The following VRK2 variants were observed in gnomAD, a reference collection of about 807,000 sequenced individuals.
VRK2 encodes the protein VRK serine/threonine kinase 2.
In VRK2, 60 loss-of-function variants were observed where a neutral mutation model predicts 57.6. That is an observed-to-expected ratio of 1.04 (90% confidence interval 0.85 to 1.29). The LOEUF (loss-of-function observed/expected upper bound fraction) is 1.29, where lower values mean the gene tolerates loss of function less well. Ranked by LOEUF, VRK2 falls within the 50% of genes most tolerant of loss-of-function variation. The probability of loss-of-function intolerance (pLI) is 0.00; values close to 1 mark genes in which losing one functional copy is unlikely to be tolerated. For synonymous variants in VRK2, 231 were observed against 199.2 expected (o/e 1.16, Z -1.35); for missense variants, 705 against 588.1 (o/e 1.20, Z -2.06).
At chr2:57,980,166 C>T (rs1672378152) in intron 1 of VRK2, among the ~76,000 whole-genome samples, 1 of 152,086 alleles carries the variant, frequency 6.6e-6, no homozygotes, top group African/African-American at 2.4e-5. Flanking sequence ...TTGATGTAGG[C>T]TTTTAGCACT....
At chr2:58,138,001 T>C (rs1255565437) in intron 10 of VRK2, among the ~76,000 whole-genome samples, 1 of 152,166 alleles carries the variant, frequency 6.6e-6, no homozygotes, top group Non-Finnish European at 1.5e-5. Flanking sequence ...ACCTCATTTT[T>C]CCAAACCCCA....
At position 57,993,819 on chromosome 2, in the gene VRK2, G is replaced by A. The variant is rs868513993; in HGVS notation, c.-438-31846G>A. On this transcript the variant is annotated intron_variant, in intron 1 of 15. Transcript: ENST00000417641. The stretch of plus-strand genomic sequence containing the variant: ...TTGTCAGGAGGCCTGCCACCAGAGC[G>A]CAATGCATAGCAACATCAGGGTATG... 5.3e-5 allele frequency among the ~76,000 whole-genome samples: 8 copies of A among 152,262 alleles called. No homozygotes were observed. The Middle Eastern group carries it at 0.02, about 388-fold the overall frequency.
chr2:57,991,535 C>T (rs1382238403), intron 1 of VRK2, among the ~76,000 whole-genome samples: 1 of 152,000 alleles, frequency 6.6e-6, no homozygotes, highest in African/African-American at 2.4e-5. Context: ...TAGCATTTAC[C>T]GAACCAGGGT....
At chr2:57,996,153 T>C (rs1328368637) in intron 1 of VRK2, among the ~76,000 whole-genome samples, 2 of 152,184 alleles carry the variant, frequency 1.3e-5, no homozygotes, top group African/African-American at 4.8e-5. Context: ...GACTTAAACA[T>C]CCAACAGATT....
chr2:57,971,242 A>G (rs1672088882), intron 1 of VRK2, among the ~76,000 whole-genome samples: 1 of 152,026 alleles, frequency 6.6e-6, no homozygotes, highest in Non-Finnish European at 1.5e-5. Context: ...GCCCTCTCCT[A>G]GTGGGATAAC....
chr2:58,086,229 A>G, intron 4 of VRK2, 110 bp from the exon 5 acceptor site: 2 of 895,080 alleles, frequency 2.2e-6, no homozygotes, highest in South Asian at 1.6e-5. Flanking sequence ...ATTATCTTCT[A>G]GGAAGATCTA....
intron 2 of VRK2, among the ~76,000 whole-genome samples, chr2:58,062,829 C>T (rs577068512): frequency 6.6e-6 from 1 of 152,226 alleles, no homozygotes; most frequent in African/African-American, 2.4e-5. Flanking sequence ...GTAGAAGCTG[C>T]AGCAAGTTAT....
intron 7 of VRK2, among the ~76,000 whole-genome samples, chr2:58,105,142 T>G (rs894847938): frequency 6.6e-6 from 1 of 151,942 alleles, no homozygotes; most frequent in Non-Finnish European, 1.5e-5. Context: ...CTTGTGGACA[T>G]TGGTCTAGGT....
chr2:58,052,731 G>C (rs899016918), intron 2 of VRK2, among the ~76,000 whole-genome samples: 1 of 152,010 alleles, frequency 6.6e-6, no homozygotes, highest in East Asian at 1.9e-4. Flanking sequence ...GTAAAACTGA[G>C]AACATAGAGA....
At chr2:58,143,652 TGCCTAGCATATAGGA>T (rs1681671476) in intron 11 of VRK2, among the ~76,000 whole-genome samples, 1 of 151,832 alleles carries the variant, frequency 6.6e-6, no homozygotes, top group Non-Finnish European at 1.5e-5. Context: ...AAACCTAAAA[TGCCTAGCATATAGGA>T]AGCACTAAAA....
Position 58,048,923 on chromosome 2 carries a change from T to G in VRK2, c.92T>G (p.Leu31Arg), listed in dbSNP as rs768497359. The change falls in exon 2 of 13, where the codon CTG becomes CGG. Residue 31 changes from leucine to arginine, a missense_variant. Leu to Arg is a moderately radical substitution (Grantham distance 102). Transcript: ENST00000340157. ...LDDMEGNQWV[L>R]GKKIGSGGFG... ...GATATGGAAGGCAATCAGTGGGTAC[T>G]GGGCAAGAAGATTGGCTCTGGAGGA... is the stretch of plus-strand genomic sequence containing the variant. 1.2e-6 allele frequency: 2 copies of G among 1,614,016 alleles called. No homozygotes were observed. Among genetic ancestry groups the G allele is most frequent in the Non-Finnish European group, 1.7e-6 (2 of 1,179,934 alleles).
intron 2 of VRK2, among the ~76,000 whole-genome samples, chr2:58,083,155 C>A (rs1007514692): frequency 6.6e-6 from 1 of 151,430 alleles, no homozygotes; most frequent in Non-Finnish European, 1.5e-5. Context: ...ACCTTTTTTC[C>A]TTTCCCTTTC....
chr2:58,122,802 T>C (rs1268688608), intron 7 of VRK2, among the ~76,000 whole-genome samples: 1 of 152,194 alleles, frequency 6.6e-6, no homozygotes, highest in Non-Finnish European at 1.5e-5. Context: ...AAAGACATAT[T>C]GTGGTTTATG....
chr2:58,049,206 A>G (rs1056906601), intron 2 of VRK2, among the ~76,000 whole-genome samples: 1 of 152,164 alleles, frequency 6.6e-6, no homozygotes, highest in Non-Finnish European at 1.5e-5. Context: ...GCATAATTAT[A>G]CAATCTGCCA....
intron 1 of VRK2, among the ~76,000 whole-genome samples, chr2:58,010,486 C>A (rs1224599302): frequency 1.3e-5 from 2 of 152,118 alleles, no homozygotes; most frequent in East Asian, 1.9e-4. Flanking sequence ...GGCTAGTTTA[C>A]GTACTGTGAA....
chr2:57,940,522 A>G (rs150536340), intron 1 of VRK2, among the ~76,000 whole-genome samples: 169 of 151,010 alleles, frequency 1.1e-3, no homozygotes, highest in African/African-American at 4.0e-3. Context: ...TGCATGGCCC[A>G]GTCAAGGTGA....
rs1023111765 is a variant in VRK2 at position 58,084,955 on chromosome 2, G to A, written c.256+5G>A. 8.9e-6 allele frequency: 14 copies of A among 1,574,618 alleles called. No individual in the cohort carries two copies. The Admixed American group carries it at 1.3e-4, about 14-fold the overall frequency. ...GAGTTGCAAAAAAAGACTGTAGTAA[G>A]TAAAATTAGCAAAGCAAGCTACTTC... On this transcript the variant is annotated splice_donor_5th_base_variant and intron_variant, in intron 4 of 12. Transcript: ENST00000340157.
At chr2:58,127,075 C>G (rs1200715541) in intron 8 of VRK2, among the ~76,000 whole-genome samples, 4 of 151,956 alleles carry the variant, frequency 2.6e-5, no homozygotes, top group Non-Finnish European at 5.9e-5. Context: ...AATATGATAT[C>G]TAAATTGTAT....
At chr2:58,070,660 T>G (rs1302788258) in intron 2 of VRK2, among the ~76,000 whole-genome samples, 2 of 152,228 alleles carry the variant, frequency 1.3e-5, no homozygotes, top group Non-Finnish European at 2.9e-5. Flanking sequence ...ATAGCACATT[T>G]CTTTTTATGG....
Sources: allele counts gnomAD v4.1 joint callset (sites outside exome capture counted in the v4.1 genomes callset), GRCh38; gene constraint gnomAD v4.1.1; transcripts MANE v1.5; gene names NCBI Gene and HGNC (gene_info 2026-07-23, HGNC 2026-07-21).